The following FGF12 variants were observed in gnomAD, a reference collection of about 807,000 sequenced individuals.
The protein encoded by FGF12 is fibroblast growth factor 12B.
FGF12 carries 14 observed loss-of-function variants against 23.6 expected under a neutral mutation model. The observed-to-expected ratio is 0.59, with a 90% CI of 0.39 to 0.93. The LOEUF (loss-of-function observed/expected upper bound fraction) is 0.93, where lower values mean the gene tolerates loss of function less well. Ranked by LOEUF, FGF12 falls within the 40% of genes least tolerant of loss-of-function variation. The pLI is 0.00. For missense variants in FGF12, 175 were observed against 217.8 expected (o/e 0.80, Z 1.24); for synonymous variants, 62 against 77.3 (o/e 0.80, Z 1.04).
chr3:192,181,194 C>T (rs1027948849), intron 4 of FGF12, among the ~76,000 whole-genome samples: 4 of 151,956 alleles, frequency 2.6e-5, no homozygotes, highest in East Asian at 1.9e-4. Flanking sequence ...GATAAACTTC[C>T]GGGCAAGTCA....
chr3:192,688,782 T>C (rs1717848804), intron 2 of FGF12, among the ~76,000 whole-genome samples: 1 of 152,168 alleles, frequency 6.6e-6, no homozygotes, highest in South Asian at 2.1e-4. Flanking sequence ...AAAGGATACA[T>C]GCACCCCCGT....
In FGF12 at chr3:192,668,396, T is replaced by C. The variant is rs536980430; in HGVS notation, c.13+58785A>G. Among the ~76,000 whole-genome samples, 6 of 152,182 alleles carry C rather than the reference T, an allele frequency of 3.9e-5. No homozygotes were observed. The South Asian group carries it at 1.0e-3, about 26-fold the overall frequency. ...ATGGGAATATTCAATGGGGGACAAA[T>C]ATGACTCCTGCCTAGTAGGAGAGTC... On this transcript the variant is annotated intron_variant, in intron 2 of 5. Transcript: ENST00000445105.
intron 2 of FGF12, among the ~76,000 whole-genome samples, chr3:192,377,932 A>G (rs749221331): frequency 2.0e-5 from 3 of 152,232 alleles, no homozygotes; most frequent in Non-Finnish European, 2.9e-5. Flanking sequence ...ACTCCTTACA[A>G]GAGAAAAATA....
At chr3:192,507,384 C>A (rs1008312571) in intron 2 of FGF12, among the ~76,000 whole-genome samples, 14 of 147,080 alleles carry the variant, frequency 9.5e-5, no homozygotes, top group Middle Eastern at 3.2e-3. Flanking sequence ...CACACACATA[C>A]AAGCACACAG....
chr3:192,581,457 T>A (rs1713136250), intron 2 of FGF12, among the ~76,000 whole-genome samples: 1 of 111,070 alleles, frequency 9.0e-6, no homozygotes, highest in East Asian at 3.1e-4. Flanking sequence ...TGTGTGTGTA[T>A]ATATATATGT....
chr3:192,235,700 G>A (rs1056897774), intron 4 of FGF12, among the ~76,000 whole-genome samples: 4 of 152,124 alleles, frequency 2.6e-5, no homozygotes, highest in Non-Finnish European at 4.4e-5. Flanking sequence ...TGTGGGGTCA[G>A]TAGTAATGTC....
At chr3:192,165,085 C>T (rs1005833553) in intron 5 of FGF12, among the ~76,000 whole-genome samples, 13 of 152,010 alleles carry the variant, frequency 8.6e-5, no homozygotes, top group East Asian at 1.9e-4. Flanking sequence ...TCCCAAGTAG[C>T]GGGGATTACA....
At chr3:192,356,496 T>G (rs1005045560) in intron 3 of FGF12, among the ~76,000 whole-genome samples, 5 of 149,736 alleles carry the variant, frequency 3.3e-5, no homozygotes, top group African/African-American at 1.3e-4. Context: ...CCCTCCAAAC[T>G]GCCATTGTCT....
At position 192,378,079 on chromosome 3, in the gene FGF12, T is replaced by TG. The variant is rs1560091792; in HGVS notation, c.14-17542_14-17541insC. Among the ~76,000 whole-genome samples the TG allele has an allele frequency of 1.7e-4, 20 of 119,146 alleles. 2 individuals are homozygous for TG. Among genetic ancestry groups the TG allele is most frequent in the African/African-American group, 7.1e-4 (20 of 28,118 alleles). 78.2% of individuals were successfully genotyped at this position (119,146 alleles called of 152,430 possible). A position where few individuals can be genotyped will look rare whatever the true frequency, so the allele number is the denominator to read the frequency against. On this transcript the variant is annotated intron_variant, in intron 2 of 5. Coordinates refer to ENST00000445105, the MANE Select transcript of FGF12 (RefSeq NM_004113.6). ...CTTTCTTTCTTTCTTTCTTTCTTTC[T>TG]TTCTTTCTTTCTTTCTTCTTTCTTT...
At chr3:192,518,120 C>A (rs1156555731) in intron 2 of FGF12, among the ~76,000 whole-genome samples, 1 of 152,000 alleles carries the variant, frequency 6.6e-6, no homozygotes, top group East Asian at 1.9e-4. Context: ...ATTTTATATT[C>A]AGATATATTA....
intron 2 of FGF12, among the ~76,000 whole-genome samples, chr3:192,412,214 CT>C (rs1013051545): frequency 6.6e-6 from 1 of 152,214 alleles, no homozygotes; most frequent in Non-Finnish European, 1.5e-5. Flanking sequence ...CCTGCGCCCC[CT>C]ATAAAAGGCC....
chr3:192,246,470 G>A (rs916317373), intron 4 of FGF12, among the ~76,000 whole-genome samples: 6 of 152,086 alleles, frequency 3.9e-5, no homozygotes, highest in African/African-American at 1.2e-4. Context: ...TTTTCAGATA[G>A]TATGCAGGCT....
At chr3:192,369,000 T>G (rs1719108398) in intron 2 of FGF12, among the ~76,000 whole-genome samples, 1 of 152,122 alleles carries the variant, frequency 6.6e-6, no homozygotes. Flanking sequence ...TGAGGCAAAA[T>G]TAATCACTTC....
At chr3:192,618,553 T>TA (rs1161445732) in intron 2 of FGF12, among the ~76,000 whole-genome samples, 2 of 152,282 alleles carry the variant, frequency 1.3e-5, no homozygotes, top group East Asian at 3.9e-4. Flanking sequence ...ATATCAATAA[T>TA]AAATTTGACC....
chr3:192,567,031 T>G (rs1344270454), intron 2 of FGF12, among the ~76,000 whole-genome samples: 1 of 152,176 alleles, frequency 6.6e-6, no homozygotes, highest in African/African-American at 2.4e-5. Context: ...CCTCACACTT[T>G]ACAAAACTCC....
intron 5 of FGF12, among the ~76,000 whole-genome samples, chr3:192,158,382 CTTTT>C (rs1560171539): frequency 1.2e-5 from 1 of 81,468 alleles, no homozygotes; most frequent in South Asian, 4.0e-4. Context: ...TTCTTTCTTT[CTTTT>C]CTTTCTCTCT....
At chr3:192,543,437 G>A (rs1160167165) in intron 2 of FGF12, among the ~76,000 whole-genome samples, 1 of 152,140 alleles carries the variant, frequency 6.6e-6, no homozygotes, top group Admixed American at 6.5e-5. Flanking sequence ...GCTAGGTCCA[G>A]AAATGCCATT....
At chr3:192,699,584 C>A (rs1175204112) in intron 2 of FGF12, among the ~76,000 whole-genome samples, 1 of 152,182 alleles carries the variant, frequency 6.6e-6, no homozygotes, top group Middle Eastern at 3.2e-3. Context: ...ACATCTGTTC[C>A]TCTTCAGCCA....
intron 2 of FGF12, among the ~76,000 whole-genome samples, chr3:192,399,924 T>A (rs1057179493): frequency 6.6e-6 from 1 of 152,216 alleles, no homozygotes; most frequent in Non-Finnish European, 1.5e-5. Flanking sequence ...TCCCTCCCTA[T>A]GTTCAGGGTG....
Sources: gnomAD v4.1 joint callset for allele counts (sites outside exome capture counted in the v4.1 genomes callset) on GRCh38, gnomAD v4.1.1 for gene constraint, MANE v1.5 for transcripts, NCBI Gene and HGNC (gene_info 2026-07-23, HGNC 2026-07-21) for gene names.